OLFML2A: variants seen among roughly 807,000 people sequenced by gnomAD.
OLFML2A encodes olfactomedin-like protein 2A.
Under a neutral mutation model 60.9 loss-of-function variants are expected in OLFML2A, and 47 were observed. That is an observed-to-expected ratio of 0.77 (90% confidence interval 0.61 to 0.98). OLFML2A has a LOEUF of 0.98. OLFML2A is among the 50% of genes least tolerant of loss of function. OLFML2A has a pLI of 0.00. For missense variants in OLFML2A, 922 were observed against 879.8 expected (o/e 1.05, Z -0.61); for synonymous variants, 372 against 375.0 (o/e 0.99, Z 0.09).
In OLFML2A at chr9:124,779,323, T is replaced by C. The variant is rs114692673; in HGVS notation, c.90+1963T>C. 1.4e-3 allele frequency among the ~76,000 whole-genome samples: 212 copies of C among 152,310 alleles called. No homozygotes were observed. Among genetic ancestry groups the C allele is most frequent in the African/African-American group, 4.6e-3 (193 of 41,552 alleles). Reference sequence around the variant, plus strand: ...GGGATTCCCTGATCTGGCTCAGGTATGATGACAAGTGAGTAGAAAATCCTA... The same window carrying C: ...GGGATTCCCTGATCTGGCTCAGGTACGATGACAAGTGAGTAGAAAATCCTA... On this transcript the variant is annotated intron_variant, in intron 1 of 7. Coordinates refer to ENST00000373580, the MANE Select transcript of OLFML2A (RefSeq NM_182487.4). This position sits in a 1 kb window ranked among gnomAD's most constrained non-coding sequence, Gnocchi z 4.1.
intron 7 of OLFML2A, among the ~76,000 whole-genome samples, 189 bp downstream of exon 7, chr9:124,808,155 T>C (rs1389993721): frequency 4.6e-5 from 7 of 152,220 alleles, no homozygotes; most frequent in Admixed American, 2.6e-4. Context: ...ACAGACCCCA[T>C]GGCACCCCGG....
At chr9:124,809,759 G>T (rs757696756) in intron 7 of OLFML2A, 49 bp from the exon 8 acceptor site, 1 of 1,550,794 alleles carries the variant, frequency 6.4e-7, no homozygotes, top group South Asian at 1.2e-5. Flanking sequence ...GATGTGGGTG[G>T]GCTGGGGTTG....
rs1842070767 is a variant in OLFML2A at position 124,814,006 on chromosome 9, G to A, written c.*3594G>A. On this transcript the variant is annotated 3_prime_UTR_variant, in exon 8 of 8. Transcript: ENST00000373580. ...AAGGCAAAGGAAGGCAAAGGAAGCT[G>A]TCTCGGGTGTTTCTGAACAACGTGA... 2.6e-5 allele frequency: 4 copies of A among 152,290 alleles called. No homozygotes were observed. The South Asian group carries it at 8.3e-4, about 32-fold the overall frequency. 9.4% of individuals were successfully genotyped at this position (152,290 alleles called of 1,614,324 possible). A position where few individuals can be genotyped will look rare whatever the true frequency, so the allele number is the denominator to read the frequency against.
At chr9:124,809,662 T>C in intron 7 of OLFML2A, 146 bp from the exon 8 acceptor site, 2 of 871,872 alleles carry the variant, frequency 2.3e-6, no homozygotes, top group Non-Finnish European at 3.5e-6. Flanking sequence ...TGTGCCATAA[T>C]AAGATGTCAT....
In OLFML2A at chr9:124,807,976, C is replaced by A. The variant is rs1481794869; in HGVS notation, c.1354+10C>A. On this transcript the variant is annotated intron_variant, in intron 7 of 7. Transcript: ENST00000373580. ...GAAAACTTCAAGCAAGGTCAGGGAC[C>A]CCCGGAGGTGGAGAGGGGGCTGGGT... 6.2e-7 allele frequency: 1 copy of A among 1,611,090 alleles called. No individual in the cohort carries two copies. The highest frequency in any genetic ancestry group is 1.1e-5 in the South Asian group (1 of 90,870).
At chr9:124,786,822 G>A (rs866068167) in intron 1 of OLFML2A, among the ~76,000 whole-genome samples, 153 bp from the exon 2 acceptor site, 7 of 148,906 alleles carry the variant, frequency 4.7e-5, no homozygotes, top group Admixed American at 2.0e-4. Context: ...TATTAAAAGG[G>A]CTTCACCACC....
rs377168387 is a variant in OLFML2A, at chr9:124,782,488, C to G, written c.91-4487C>G. 1.2e-4 allele frequency among the ~76,000 whole-genome samples: 19 copies of G among 152,328 alleles called. 1 individual carries two copies. The South Asian group carries it at 3.9e-3, about 32-fold the overall frequency. ...GTTCAGACTCACCATGAGCTTATGA[C>G]AAAGGGACTGTGATTCTTCCCATTT... On this transcript the variant is annotated intron_variant, in intron 1 of 7. Transcript: ENST00000373580.
chr9:124,788,467 A>G lies in OLFML2A; in HGVS notation c.354+1229A>G, dbSNP rs182834978. 3.3e-5 allele frequency among the ~76,000 whole-genome samples: 5 copies of G among 151,934 alleles called. No individual in the cohort carries two copies. In the East Asian group the frequency reaches 7.8e-4, roughly 24 times the overall value. ...CTAAAAATACAAAAATTAACCCCGC[A>G]TGGTGGTGCGCATCTGTAATCCCAG... is the stretch of plus-strand genomic sequence containing the variant. On this transcript the variant is annotated intron_variant, in intron 2 of 7. Transcript: ENST00000373580.
At chr9:124,784,193 CTTTTTTT>C (rs370746858) in intron 1 of OLFML2A, among the ~76,000 whole-genome samples, 1 of 144,712 alleles carries the variant, frequency 6.9e-6, no homozygotes, top group Non-Finnish European at 1.5e-5. Flanking sequence ...TAGTTTTTTT[CTTTTTTT>C]TTTTTTCTTT....
At chr9:124,809,004 A>T (rs1588891382) in intron 7 of OLFML2A, among the ~76,000 whole-genome samples, 3 of 138,730 alleles carry the variant, frequency 2.2e-5, no homozygotes, top group African/African-American at 9.9e-5. Flanking sequence ...AAAAAATTAA[A>T]AAAAAAAAAA....
At chr9:124,803,955 C>G in intron 5 of OLFML2A, 139 bp from the exon 6 acceptor site, 1 of 888,366 alleles carries the variant, frequency 1.1e-6, no homozygotes, top group Non-Finnish European at 1.7e-6. Flanking sequence ...TCACCCCCCT[C>G]CAGGTGTGAG....
chr9:124,781,182 C>T (rs1274018446), intron 1 of OLFML2A, among the ~76,000 whole-genome samples: 1 of 152,124 alleles, frequency 6.6e-6, no homozygotes, highest in Non-Finnish European at 1.5e-5. Context: ...TTAATATGGC[C>T]CGAACTAGGG....
In OLFML2A at chr9:124,777,830, C is replaced by G. The variant is rs1841285200; in HGVS notation, c.90+470C>G. Among the ~76,000 whole-genome samples, 1 of 152,174 alleles carries G rather than the reference C, an allele frequency of 6.6e-6. No individual in the cohort carries two copies. The highest frequency in any genetic ancestry group is 1.5e-5 in the Non-Finnish European group (1 of 68,018). ...TGGCCTCTGATGTTCTTGCCAGGGA[C>G]CGGGTGCACCCCCTGGAGGACTAGG... On this transcript the variant is annotated intron_variant, in intron 1 of 7. Transcript: ENST00000373580. This position sits in a 1 kb window ranked among gnomAD's most constrained non-coding sequence, Gnocchi z 6.2.
At position 124,810,063 on chromosome 9, in the gene OLFML2A, T is replaced by C; in HGVS notation, c.1610T>C (p.Val537Ala). Residue 537 changes from valine (V) to alanine (A), a missense_variant, in exon 8 of 8, where the codon GTG becomes GCG. Physicochemically the swap from Val to Ala is moderately conservative, Grantham distance 64 (BLOSUM62 0). Coordinates refer to ENST00000373580, the MANE Select transcript of OLFML2A (RefSeq NM_182487.4). ...ESGLWVIYPA[V>A]DDRDEAQPEV... Reference sequence around the variant, plus strand: ...GGCCTGTGGGTCATCTACCCCGCCGTGGACGACCGCGATGAGGCCCAGCCC... The same window carrying C: ...GGCCTGTGGGTCATCTACCCCGCCGCGGACGACCGCGATGAGGCCCAGCCC... 4.3e-6 allele frequency: 7 copies of C among 1,613,870 alleles called. No homozygotes were observed. Among genetic ancestry groups the C allele is most frequent in the Non-Finnish European group, 5.9e-6 (7 of 1,179,998 alleles).
intron 7 of OLFML2A, among the ~76,000 whole-genome samples, chr9:124,808,227 C>T (rs530102778): frequency 6.6e-6 from 1 of 152,356 alleles, no homozygotes; most frequent in South Asian, 2.1e-4. Context: ...TGGTCCTGCC[C>T]TCACAAGTGT....
rs200499055 is a variant in OLFML2A at position 124,807,581 on chromosome 9, C to T, written c.1169-200C>T. Among the ~76,000 whole-genome samples the T allele has an allele frequency of 7.9e-5, 12 of 152,298 alleles. No individual in the cohort carries two copies. The East Asian group carries it at 1.7e-3, about 22-fold the overall frequency. ...TATAGGCGTCAGCCATTGCGCCTGG[C>T]CTCCATTCTGCTTTTCTGAATGTTT... On this transcript the variant is annotated intron_variant, in intron 6 of 7. Transcript: ENST00000373580.
At position 124,813,344 on chromosome 9, in the gene OLFML2A, G is replaced by A. The variant is rs560398850; in HGVS notation, c.*2932G>A. On this transcript the variant is annotated 3_prime_UTR_variant, in exon 8 of 8. Transcript: ENST00000373580. Reference sequence around the variant, plus strand: ...AGTGGAGAACCAGGTTTCAAAATCAGGTAAGAAAACCATCATCATTAACTG... The same window carrying A: ...AGTGGAGAACCAGGTTTCAAAATCAAGTAAGAAAACCATCATCATTAACTG... The A allele has an allele frequency of 1.3e-5, 2 of 152,348 alleles. No homozygotes were observed. Among genetic ancestry groups the A allele is most frequent in the Admixed American group, 6.5e-5 (1 of 15,292 alleles). 9.4% of individuals were successfully genotyped at this position (152,348 alleles called of 1,614,324 possible). A position where few individuals can be genotyped will look rare whatever the true frequency, so the allele number is the denominator to read the frequency against.
At chr9:124,804,387 A>G in intron 6 of OLFML2A, 45 bp downstream of exon 6, 2 of 1,482,934 alleles carry the variant, frequency 1.3e-6, no homozygotes, top group Non-Finnish European at 1.8e-6. Context: ...CCTGTGCCCA[A>G]ATCTAGCCCA....
In OLFML2A at chr9:124,801,658, TG is replaced by T; in HGVS notation, c.916del (p.Ala306GlnfsTer101). ...KAGKQEVTEA[V>X]ADNTLQGTSW... ...GGCAAGCAGGAGGTGACCGAGGCGG[TG>T]GCAGGTGAGTAGGAGGGGAATGGGG... On this transcript the variant is annotated frameshift_variant, in exon 5 of 8. Transcript: ENST00000373580. LOFTEE classifies it high-confidence loss of function. 6.2e-7 allele frequency: 1 copy of T among 1,612,692 alleles called. No homozygotes were observed. Among genetic ancestry groups the T allele is most frequent in the Non-Finnish European group, 8.5e-7 (1 of 1,179,338 alleles).
Sources: allele counts gnomAD v4.1 joint callset (sites outside exome capture counted in the v4.1 genomes callset), GRCh38; gene constraint gnomAD v4.1.1; non-coding constraint Gnocchi (gnomAD v3.1); transcripts MANE v1.5; gene names NCBI Gene and HGNC (gene_info 2026-07-23, HGNC 2026-07-21).